The following OLFML1 variants were observed in gnomAD, a reference collection of about 807,000 sequenced individuals.
OLFML1 encodes the protein olfactomedin-like protein 1.
OLFML1 carries 33 observed loss-of-function variants against 37.3 expected under a neutral mutation model. The observed-to-expected ratio is 0.88, with a 90% CI of 0.67 to 1.18. The LOEUF (loss-of-function observed/expected upper bound fraction) is 1.18. Among genes scored for constraint, OLFML1 ranks in the 50% most tolerant of loss-of-function variants. The pLI, the probability that OLFML1 is intolerant of heterozygous loss-of-function variation, is 0.00. For missense variants in OLFML1, 545 were observed against 483.7 expected, an observed-to-expected ratio of 1.13 and a Z score of -1.19; for synonymous variants, 186 against 181.3, an observed-to-expected ratio of 1.03 and a Z score of -0.21.
chr11:7,499,215 A>G (rs1213909030), intron 2 of OLFML1, among the ~76,000 whole-genome samples: 2 of 152,262 alleles, frequency 1.3e-5, no homozygotes, highest in Non-Finnish European at 2.9e-5. Context: ...GCCAAATTCT[A>G]TCCTAATTGC....
intron 1 of OLFML1, among the ~76,000 whole-genome samples, chr11:7,486,262 T>G: frequency 6.6e-6 from 1 of 152,206 alleles, no homozygotes; most frequent in Middle Eastern, 3.2e-3. Flanking sequence ...ATGGGGATAA[T>G]AGTAGAATTT....
chr11:7,494,037 G>T (rs1848633730), intron 2 of OLFML1, among the ~76,000 whole-genome samples: 1 of 152,188 alleles, frequency 6.6e-6, no homozygotes, highest in Non-Finnish European at 1.5e-5. Flanking sequence ...TATGGTCAGG[G>T]TTGCCATGTA....
Position 7,485,678 on chromosome 11 carries a change from G to C in OLFML1, c.-198G>C. ...TCAGGGACCAACTTGCCAACAGCTGGACTTGATCACTAGCTGGCAAACTGA... is the reference window on the plus strand; with the variant it reads ...TCAGGGACCAACTTGCCAACAGCTGCACTTGATCACTAGCTGGCAAACTGA... On this transcript the variant is annotated 5_prime_UTR_variant, in exon 1 of 3. Coordinates refer to ENST00000329293, the MANE Select transcript of OLFML1 (RefSeq NM_198474.4). 1.7e-6 allele frequency: 1 copy of C among 593,914 alleles called. No individual in the cohort carries two copies. The highest frequency in any genetic ancestry group is 2.1e-5 in the South Asian group (1 of 46,696). 36.8% of individuals were successfully genotyped at this position (593,914 alleles called of 1,614,324 possible). A position where few individuals can be genotyped will look rare whatever the true frequency, so the allele number is the denominator to read the frequency against.
intron 2 of OLFML1, chr11:7,489,025 T>C (rs1848563999): frequency 6.6e-6 from 1 of 151,918 alleles, no homozygotes; most frequent in South Asian, 2.1e-4. Context: ...CAAAGAAAAA[T>C]TTTCTGTGCC....
chr11:7,502,221 A>G (rs1178901044), intron 2 of OLFML1, among the ~76,000 whole-genome samples: 1 of 152,240 alleles, frequency 6.6e-6, no homozygotes, highest in African/African-American at 2.4e-5. Flanking sequence ...ACATCCTGGC[A>G]GGATCTGAAG....
Position 7,488,280 on chromosome 11 carries a change from GC to G in OLFML1, c.286del (p.Gln96AsnfsTer42), listed in dbSNP as rs1037598444. The G allele has an allele frequency of 6.2e-7, 1 of 1,613,968 alleles. No individual in the cohort carries two copies. Among genetic ancestry groups the G allele is most frequent in the African/African-American group, 1.3e-5 (1 of 74,888 alleles). On this transcript the variant is annotated frameshift_variant, in exon 2 of 3. Coordinates refer to ENST00000329293, the MANE Select transcript of OLFML1 (RefSeq NM_198474.4). LOFTEE classifies it high-confidence loss of function. ...VGNLALRVER[A>X]QREIDYIQYL... ...TAACTTGGCACTGAGAGTTGAACGT[GC>G]CCAACGGGAGATTGACTACATACAA...
intron 2 of OLFML1, among the ~76,000 whole-genome samples, chr11:7,504,525 G>T (rs952720269): frequency 3.9e-5 from 6 of 152,086 alleles, no homozygotes; most frequent in Non-Finnish European, 8.8e-5. Flanking sequence ...GACTATGGGA[G>T]GCAAGTATGG....
At chr11:7,487,883 T>C (rs564863144) in intron 1 of OLFML1, among the ~76,000 whole-genome samples, 22 of 152,264 alleles carry the variant, frequency 1.4e-4, no homozygotes, top group Non-Finnish European at 2.5e-4. Context: ...AAACATATAG[T>C]AAAATCACAT....
Position 7,510,275 on chromosome 11 carries a change from C to T in OLFML1, c.*87C>T. On this transcript the variant is annotated 3_prime_UTR_variant, in exon 3 of 3. Coordinates refer to ENST00000329293, the MANE Select transcript of OLFML1 (RefSeq NM_198474.4). ...CTATAGCCCCTTCACAATATAGTAT[C>T]CCTCTAATCACACACAGGAAGAGTG... The T allele has an allele frequency of 2.9e-6, 3 of 1,035,102 alleles. No individual in the cohort carries two copies. Among genetic ancestry groups the T allele is most frequent in the Non-Finnish European group, 4.1e-6 (3 of 724,422 alleles). The allele number at this position is 1,035,102 out of a possible 1,614,324, so 64.1% of individuals were successfully genotyped here. A position where few individuals can be genotyped will look rare whatever the true frequency, so the allele number is the denominator to read the frequency against.
intron 2 of OLFML1, chr11:7,488,755 T>G (rs145385207): frequency 2.2e-5 from 4 of 184,738 alleles, no homozygotes; most frequent in African/African-American, 9.5e-5. Context: ...AGCAGTTTGG[T>G]GGATTCTACA....
intron 2 of OLFML1, chr11:7,504,978 A>T (rs1047295624): frequency 6.7e-6 from 1 of 150,272 alleles, no homozygotes; most frequent in Non-Finnish European, 1.5e-5. Flanking sequence ...CTCAGGCTGG[A>T]AAGCAGTGGC....
rs768334137 is a variant in OLFML1 at position 7,509,960 on chromosome 11, C to G, written c.981C>G (p.Leu327=). The G allele has an allele frequency of 9.3e-6, 15 of 1,614,116 alleles. No individual in the cohort carries two copies. Among genetic ancestry groups the G allele is most frequent in the Non-Finnish European group, 1.0e-5 (12 of 1,180,050 alleles). ...AEASFLLCGV[L]YVVYSTGGQG... ...CCTCATTCCTCTTGTGTGGGGTTCT[C>G]TATGTGGTCTACAGTACTGGGGGCC... is the stretch of plus-strand genomic sequence containing the variant. Residue 327 remains leucine (L), a synonymous_variant, in exon 3 of 3, where the codon CTC becomes CTG. Coordinates refer to ENST00000329293, the MANE Select transcript of OLFML1 (RefSeq NM_198474.4).
rs142797668 is a variant in OLFML1 at position 7,510,007 on chromosome 11, G to C, written c.1028G>C (p.Cys343Ser). The C allele has an allele frequency of 6.2e-7, 1 of 1,614,206 alleles. No individual in the cohort carries two copies. Among genetic ancestry groups the C allele is most frequent in the Non-Finnish European group, 8.5e-7 (1 of 1,180,044 alleles). Residue 343 changes from cysteine (C) to serine (S), a missense_variant, in exon 3 of 3, where the codon TGC (cysteine) becomes TCC (serine). Coordinates refer to ENST00000329293, the MANE Select transcript of OLFML1 (RefSeq NM_198474.4). ...TGGQGPHRIT[C>S]IYDPLGTISE... ...GGCCAGGGCCCTCATCGCATCACCT[G>C]CATCTATGATCCACTGGGCACTATC...
intron 2 of OLFML1, among the ~76,000 whole-genome samples, chr11:7,506,539 T>C (rs1848787248): frequency 6.6e-6 from 1 of 152,042 alleles, no homozygotes; most frequent in Non-Finnish European, 1.5e-5. Context: ...AGATATAAGA[T>C]AGCTATTGTG....
Position 7,510,975 on chromosome 11 carries a change from C to A in OLFML1, c.*787C>A, listed in dbSNP as rs1482931501. 6.6e-6 allele frequency: 1 copy of A among 152,200 alleles called. No individual in the cohort carries two copies. The highest frequency in any genetic ancestry group is 2.4e-5 in the African/African-American group (1 of 41,440). The allele number at this position is 152,200 out of a possible 1,614,324, so 9.4% of individuals were successfully genotyped here. On this transcript the variant is annotated 3_prime_UTR_variant, in exon 3 of 3. Transcript: ENST00000329293. ...TCGTTTCACCTTTGTGAAACATGCACAAGTCTTTACAGCTGTCATTCTAGA... is the reference window on the plus strand; with the variant it reads ...TCGTTTCACCTTTGTGAAACATGCAAAAGTCTTTACAGCTGTCATTCTAGA...
chr11:7,499,052 A>G (rs1340772288), intron 2 of OLFML1, among the ~76,000 whole-genome samples: 1 of 152,238 alleles, frequency 6.6e-6, no homozygotes, highest in Non-Finnish European at 1.5e-5. Context: ...ATACAAAGGA[A>G]TAAGTCTCAC....
intron 2 of OLFML1, among the ~76,000 whole-genome samples, chr11:7,490,037 T>C (rs949505786): frequency 8.1e-5 from 12 of 148,816 alleles, no homozygotes; most frequent in African/African-American, 3.0e-4. Context: ...GTCTATTCAA[T>C]AAATAGTTTT....
chr11:7,509,724 C>T lies in OLFML1; in HGVS notation c.745C>T (p.Arg249Ter), dbSNP rs759190256. 1.7e-5 allele frequency: 28 copies of T among 1,614,058 alleles called. No individual in the cohort carries two copies. The highest frequency in any genetic ancestry group is 1.3e-4 in the East Asian group (6 of 44,900). ...YNLQKRTVED[R>*]MLLPGGVGRA... ...CCTGCAGAAGAGGACTGTGGAAGAT[C>T]GAATGCTGCTCCCAGGAGGGGTAGG... The change falls in exon 3 of 3, where the codon CGA (arginine) becomes TGA (stop). Residue 249 changes from arginine (R) to a stop codon, truncating the protein, a stop_gained. Transcript: ENST00000329293. LOFTEE classifies it high-confidence loss of function.
At chr11:7,486,216 T>G (rs531984771) in intron 1 of OLFML1, among the ~76,000 whole-genome samples, 6 of 152,354 alleles carry the variant, frequency 3.9e-5, no homozygotes, top group African/African-American at 1.4e-4. Context: ...CAGTTGCACT[T>G]TGTGCTCTGA....
Sources: gnomAD v4.1 joint callset for allele counts (sites outside exome capture counted in the v4.1 genomes callset) on GRCh38, gnomAD v4.1.1 for gene constraint, MANE v1.5 for transcripts, NCBI Gene and HGNC (gene_info 2026-07-23, HGNC 2026-07-21) for gene names.